CCDC174: variants seen among roughly 807,000 people sequenced by gnomAD.
CCDC174 encodes the protein coiled-coil domain containing 174.
CCDC174 carries 37 observed loss-of-function variants against 57.1 expected under a neutral mutation model. The observed-to-expected ratio is 0.65, with a 90% CI of 0.50 to 0.85. The LOEUF (loss-of-function observed/expected upper bound fraction) is 0.85. Ranked by LOEUF, CCDC174 falls within the 40% of genes least tolerant of loss-of-function variation. The pLI is 0.00. For missense variants in CCDC174, 540 were observed against 574.3 expected, an observed-to-expected ratio of 0.94 and a Z score of 0.61; for synonymous variants, 182 against 190.2, an observed-to-expected ratio of 0.96 and a Z score of 0.35.
intron 3 of CCDC174, among the ~76,000 whole-genome samples, chr3:14,658,323 A>G (rs1348389545): frequency 1.3e-5 from 2 of 152,254 alleles, no homozygotes. Context: ...ATTGTGATTA[A>G]GAGTGGTCAT....
chr3:14,652,115 C>T (rs886820020), intron 1 of CCDC174, among the ~76,000 whole-genome samples: 4 of 152,198 alleles, frequency 2.6e-5, no homozygotes, highest in African/African-American at 4.8e-5. Context: ...CCCTCGGACA[C>T]GGATCTGAAC....
intron 6 of CCDC174, among the ~76,000 whole-genome samples, chr3:14,666,037 C>CAAAAA (rs71038422): frequency 9.4e-5 from 8 of 84,802 alleles, no homozygotes; most frequent in East Asian, 3.2e-4. Context: ...GACTCCGTCT[C>CAAAAA]AAAAAAAAAA....
In CCDC174 at chr3:14,654,515, A is replaced by G. The variant is rs181875050; in HGVS notation, c.132A>G (p.Pro44=). 5.4e-4 allele frequency: 810 copies of G among 1,508,744 alleles called. 3 individuals carry two copies. In the African/African-American group the frequency reaches 1.0e-2, roughly 19 times the overall value. 93.5% of individuals were successfully genotyped at this position (1,508,744 alleles called of 1,614,324 possible). ...AAGATTCTGGAGTTTTTGGAAAACC[A>G]AAAACAACTAACAAGGTAAAAAATA... ...LLKDSGVFGK[P]KTTNKKPSIW... Residue 44 remains proline, a synonymous_variant, in exon 2 of 11, where the codon CCA becomes CCG. Coordinates refer to ENST00000383794, the MANE Select transcript of CCDC174 (RefSeq NM_016474.5).
Position 14,665,048 on chromosome 3 carries a change from T to C in CCDC174, c.506T>C (p.Leu169Ser). Residue 169 changes from leucine (L) to serine (S), a missense_variant, in exon 6 of 11, where the codon TTG (leucine) becomes TCG (serine). Leu to Ser is a moderately radical substitution (Grantham distance 145, BLOSUM62 -2). Transcript: ENST00000383794. The stretch of plus-strand genomic sequence containing the variant: ...TTCAGGGTGGATTACGTGGACTCTT[T>C]GGGGCGTTCCCGGCGCTGTATGAGA... Reference protein sequence around the residue: ...SEEWVDYVDSLGRSRRCMRKD... With the variant: ...SEEWVDYVDSSGRSRRCMRKD... 1 of 1,614,070 alleles carries C rather than the reference T, an allele frequency of 6.2e-7. No individual in the cohort carries two copies. The highest frequency in any genetic ancestry group is 8.5e-7 in the Non-Finnish European group (1 of 1,179,942).
rs13083735 is a variant in CCDC174, at chr3:14,660,401, C to T, written c.308-1129C>T. On this transcript the variant is annotated intron_variant, in intron 4 of 10. Transcript: ENST00000383794. ...CACCTGTAGTCTCAGCTACTCAGGACGCTGAGGCAGGAGAATCACTTGAAC... is the reference window on the plus strand; with the variant it reads ...CACCTGTAGTCTCAGCTACTCAGGATGCTGAGGCAGGAGAATCACTTGAAC... Among the ~76,000 whole-genome samples the T allele has an allele frequency of 9.6e-3, 1,455 of 152,188 alleles. 8 individuals are homozygous for T. The highest frequency in any genetic ancestry group is 0.012 in the Non-Finnish European group (821 of 68,000).
At chr3:14,663,449 T>C (rs1043425616) in intron 5 of CCDC174, among the ~76,000 whole-genome samples, 1 of 152,240 alleles carries the variant, frequency 6.6e-6, no homozygotes, top group Non-Finnish European at 1.5e-5. Flanking sequence ...TAGCAAACTT[T>C]TGGTAGTCTT....
chr3:14,655,856 C>T (rs73816111), intron 3 of CCDC174, among the ~76,000 whole-genome samples: 77 of 152,214 alleles, frequency 5.1e-4, no homozygotes, highest in African/African-American at 1.8e-3. Context: ...TGCTGTCAGC[C>T]TTTGTTAGAC....
chr3:14,666,282 G>A (rs190274206), intron 6 of CCDC174, among the ~76,000 whole-genome samples: 133 of 152,228 alleles, frequency 8.7e-4, no homozygotes, highest in Non-Finnish European at 1.5e-3. Flanking sequence ...GAGTGCTCAG[G>A]CAAGATTCCG....
chr3:14,660,486 G>A (rs777267724), intron 4 of CCDC174, among the ~76,000 whole-genome samples: 39 of 152,022 alleles, frequency 2.6e-4, no homozygotes, highest in African/African-American at 9.4e-4. Flanking sequence ...CCTGGGCGAC[G>A]GAGTGAGATT....
At position 14,665,052 on chromosome 3, in the gene CCDC174, G is replaced by T. The variant is rs1559382217; in HGVS notation, c.510G>T (p.Gly170=). Residue 170 remains glycine, a synonymous_variant, in exon 6 of 11, where the codon GGG becomes GGT. Transcript: ENST00000383794. ...GGGTGGATTACGTGGACTCTTTGGG[G>T]CGTTCCCGGCGCTGTATGAGAAAGG... ...EEWVDYVDSL[G]RSRRCMRKDL... 1.2e-6 allele frequency: 2 copies of T among 1,613,934 alleles called. No homozygotes were observed. The highest frequency in any genetic ancestry group is 1.7e-6 in the Non-Finnish European group (2 of 1,179,948).
chr3:14,666,762 C>G (rs748659171), intron 6 of CCDC174, 43 bp from the exon 7 acceptor site: 2 of 1,507,994 alleles, frequency 1.3e-6, no homozygotes, highest in Non-Finnish European at 1.8e-6. Flanking sequence ...ACTGATATCT[C>G]AATCCTTATC....
intron 4 of CCDC174, among the ~76,000 whole-genome samples, chr3:14,661,192 A>G (rs1302029079): frequency 6.6e-6 from 1 of 152,238 alleles, no homozygotes; most frequent in Non-Finnish European, 1.5e-5. Context: ...TGACACGGAA[A>G]ATGCAGTTTT....
At chr3:14,651,981 C>T in intron 1 of CCDC174, 103 bp downstream of exon 1, 1 of 1,121,370 alleles carries the variant, frequency 8.9e-7, no homozygotes, top group Non-Finnish European at 1.3e-6. Context: ...GACCCAGAGA[C>T]CTGACCTCTC....
chr3:14,656,506 T>C (rs2030964720), intron 3 of CCDC174, among the ~76,000 whole-genome samples: 1 of 152,232 alleles, frequency 6.6e-6, no homozygotes, highest in African/African-American at 2.4e-5. Flanking sequence ...GTCCTTCCCA[T>C]TGAATCACAT....
intron 1 of CCDC174, among the ~76,000 whole-genome samples, chr3:14,653,402 C>T (rs2030840856): frequency 6.6e-6 from 1 of 152,178 alleles, no homozygotes; most frequent in African/African-American, 2.4e-5. Context: ...TGAAACTGCC[C>T]TTTGCATTAT....
In CCDC174 at chr3:14,671,363, A is replaced by G; in HGVS notation, c.*169A>G. 1.5e-6 allele frequency: 1 copy of G among 648,846 alleles called. No individual in the cohort carries two copies. The highest frequency in any genetic ancestry group is 2.0e-5 in the South Asian group (1 of 48,784). 40.2% of individuals were successfully genotyped at this position (648,846 alleles called of 1,614,324 possible). A position where few individuals can be genotyped will look rare whatever the true frequency, so the allele number is the denominator to read the frequency against. On this transcript the variant is annotated 3_prime_UTR_variant, in exon 11 of 11. Coordinates refer to ENST00000383794, the MANE Select transcript of CCDC174 (RefSeq NM_016474.5). ...GAGGAAAGTTATGGAAACTTTGGCC[A>G]CTTGGCTGTTCATTTTATTCTAAGT...
In CCDC174 at chr3:14,671,048, G is replaced by A. The variant is rs1199420686; in HGVS notation, c.1258G>A (p.Asp420Asn). 1 of 1,614,146 alleles carries A rather than the reference G, an allele frequency of 6.2e-7. No individual in the cohort carries two copies. Among genetic ancestry groups the A allele is most frequent in the East Asian group, 2.2e-5 (1 of 44,882 alleles). ...GAGCAGACCTGGGCCAGCACAGAGT[G>A]ACCCAGGGCAGTGCCCTGACCAGAG... is the stretch of plus-strand genomic sequence containing the variant. ...AWSRPGPAQS[D>N]PGQCPDQSHG... Residue 420 changes from aspartate to asparagine, a missense_variant, in exon 11 of 11, where the codon GAC becomes AAC. Coordinates refer to ENST00000383794, the MANE Select transcript of CCDC174 (RefSeq NM_016474.5).
At position 14,655,518 on chromosome 3, in the gene CCDC174, T is replaced by C. The variant is rs1296384242; in HGVS notation, c.148-11T>C. 1 of 1,582,958 alleles carries C rather than the reference T, an allele frequency of 6.3e-7. No individual in the cohort carries two copies. The highest frequency in any genetic ancestry group is 2.2e-5 in the East Asian group (1 of 44,514). ...TGTGGTTCTGTTTTGTCTTCTAAAA[T>C]TATTCTCCAGAAACCAAGTATCTGG... On this transcript the variant is annotated splice_polypyrimidine_tract_variant and intron_variant, in intron 2 of 10. Transcript: ENST00000383794.
intron 5 of CCDC174, among the ~76,000 whole-genome samples, chr3:14,662,728 A>T (rs12498035): frequency 3.9e-5 from 6 of 151,932 alleles, no homozygotes; most frequent in Non-Finnish European, 8.8e-5. Flanking sequence ...GGAACTGCTC[A>T]GGACTCTTTG....
Sources: gnomAD v4.1 joint callset for allele counts (sites outside exome capture counted in the v4.1 genomes callset) on GRCh38, gnomAD v4.1.1 for gene constraint, MANE v1.5 for transcripts, NCBI Gene and HGNC (gene_info 2026-07-23, HGNC 2026-07-21) for gene names.